The following SIAH3 variants were observed in gnomAD, a reference collection of about 807,000 sequenced individuals.
SIAH3 encodes the protein seven in absentia homolog 3.
A neutral mutation model predicts 12.6 loss-of-function variants in SIAH3; 9 were observed. The ratio of observed to expected loss-of-function variants is 0.72; its 90% CI spans 0.43 to 1.25. SIAH3 has a LOEUF of 1.25. SIAH3 is among the 50% of genes most tolerant of loss of function. The pLI is 0.00. For missense variants in SIAH3, 390 were observed against 365.4 expected (o/e 1.07, Z -0.55); for synonymous variants, 154 against 151.1 (o/e 1.02, Z -0.14).
intron 1 of SIAH3, among the ~76,000 whole-genome samples, chr13:45,802,292 C>A (rs575950892): frequency 1.3e-5 from 2 of 152,026 alleles, no homozygotes; most frequent in South Asian, 4.2e-4. Flanking sequence ...GGTGACAGAG[C>A]GAGACTCCAT....
intron 1 of SIAH3, among the ~76,000 whole-genome samples, chr13:45,818,518 G>A (rs376657031): frequency 3.9e-5 from 6 of 152,292 alleles, no homozygotes; most frequent in South Asian, 4.2e-4. Flanking sequence ...CCAAAATCAA[G>A]GCATCAGCAG....
chr13:45,778,959 A>C lies in SIAH3; in HGVS notation c.*4424T>G, dbSNP rs985325950. On this transcript the variant is annotated 3_prime_UTR_variant, in exon 2 of 2. Coordinates refer to ENST00000400405, the MANE Select transcript of SIAH3 (RefSeq NM_198849.3). ...CGAGATTCCTGGAACCAATCCCCCA[A>C]GGATACTGAGGGATGATTATACTGT... The C allele has an allele frequency of 3.3e-5, 5 of 152,216 alleles. No individual in the cohort carries two copies. The highest frequency in any genetic ancestry group is 1.2e-4 in the African/African-American group (5 of 41,452). The allele number at this position is 152,216 out of a possible 1,614,324, so 9.4% of individuals were successfully genotyped here. A position where few individuals can be genotyped will look rare whatever the true frequency, so the allele number is the denominator to read the frequency against.
chr13:45,790,309 A>T (rs996073907), intron 1 of SIAH3, among the ~76,000 whole-genome samples: 1 of 152,202 alleles, frequency 6.6e-6, no homozygotes, highest in African/African-American at 2.4e-5. Context: ...TGTGAACAAA[A>T]CTGTTTCAAA....
intron 1 of SIAH3, among the ~76,000 whole-genome samples, chr13:45,798,471 G>A (rs1461047579): frequency 6.6e-6 from 1 of 152,210 alleles, no homozygotes; most frequent in Non-Finnish European, 1.5e-5. Context: ...AATTGCTTCT[G>A]GGAGTCAGGG....
At chr13:45,792,018 A>C (rs1260460863) in intron 1 of SIAH3, among the ~76,000 whole-genome samples, 2 of 152,208 alleles carry the variant, frequency 1.3e-5, no homozygotes, top group Admixed American at 6.5e-5. Context: ...TGAGGAGCTA[A>C]AGGGTTGTAC....
chr13:45,826,763 C>T (rs570541633), intron 1 of SIAH3, among the ~76,000 whole-genome samples: 1 of 152,058 alleles, frequency 6.6e-6, no homozygotes, highest in Non-Finnish European at 1.5e-5. Context: ...CTAAACTCTA[C>T]GTGTGAGTTG....
At chr13:45,837,653 A>G (rs559945599) in intron 1 of SIAH3, among the ~76,000 whole-genome samples, 1 of 152,226 alleles carries the variant, frequency 6.6e-6, no homozygotes, top group South Asian at 2.1e-4. Context: ...GGCCAAAAGA[A>G]ATCAATGTTT....
intron 1 of SIAH3, among the ~76,000 whole-genome samples, chr13:45,831,416 T>C (rs562578184): frequency 1.8e-4 from 28 of 152,088 alleles, no homozygotes; most frequent in Non-Finnish European, 3.8e-4. Context: ...AATTGATATT[T>C]GTAGACATAC....
rs185059712 is a variant in SIAH3, at chr13:45,779,680, T to C, written c.*3703A>G. On this transcript the variant is annotated 3_prime_UTR_variant, in exon 2 of 2. Coordinates refer to ENST00000400405, the MANE Select transcript of SIAH3 (RefSeq NM_198849.3). ...AATAAAGAGCACCTGCTTGCTAAGG[T>C]TGTTATGGGGATTACATGATCTACT... is the stretch of plus-strand genomic sequence containing the variant. 2.0e-5 allele frequency: 3 copies of C among 152,290 alleles called. No homozygotes were observed. The highest frequency in any genetic ancestry group is 4.8e-5 in the African/African-American group (2 of 41,560). The allele number at this position is 152,290 out of a possible 1,614,324, so 9.4% of individuals were successfully genotyped here.
chr13:45,813,115 G>T (rs955902724), intron 1 of SIAH3, among the ~76,000 whole-genome samples: 1 of 151,996 alleles, frequency 6.6e-6, no homozygotes, highest in Non-Finnish European at 1.5e-5. Flanking sequence ...GGTCAGTACT[G>T]AGTCCCGGAC....
chr13:45,830,695 A>G (rs1350052663), intron 1 of SIAH3, among the ~76,000 whole-genome samples: 1 of 152,202 alleles, frequency 6.6e-6, no homozygotes, highest in African/African-American at 2.4e-5. Flanking sequence ...CCAGCTCTTC[A>G]GGGCCTCAAG....
chr13:45,831,061 C>T (rs1266304190), intron 1 of SIAH3, among the ~76,000 whole-genome samples: 2 of 152,004 alleles, frequency 1.3e-5, no homozygotes, highest in Non-Finnish European at 2.9e-5. Context: ...TGTCTGTAGT[C>T]CCAGCTACTT....
chr13:45,842,611 C>T (rs769900690), intron 1 of SIAH3, among the ~76,000 whole-genome samples: 1 of 152,244 alleles, frequency 6.6e-6, no homozygotes, highest in South Asian at 2.1e-4. Context: ...GCCTCCCAAA[C>T]TGCTGGGATT....
chr13:45,821,150 C>G lies in SIAH3; in HGVS notation c.135+30345G>C, dbSNP rs75250716. On this transcript the variant is annotated intron_variant, in intron 1 of 1. Transcript: ENST00000400405. ...TGAGGTCATTAAGGTGGGCCCTAAT[C>G]TAATATGACTGGTGTCTTTGTAAAA... Among the ~76,000 whole-genome samples the G allele has an allele frequency of 4.6e-3, 699 of 152,312 alleles. 1 individual carries two copies. The highest frequency in any genetic ancestry group is 7.4e-3 in the Non-Finnish European group (506 of 68,036).
At chr13:45,835,861 A>G (rs1950715916) in intron 1 of SIAH3, among the ~76,000 whole-genome samples, 1 of 152,200 alleles carries the variant, frequency 6.6e-6, no homozygotes, top group South Asian at 2.1e-4. Flanking sequence ...TCTGCCTTAG[A>G]GCACGCTTTG....
chr13:45,836,560 T>C (rs761565087), intron 1 of SIAH3, among the ~76,000 whole-genome samples: 2 of 152,072 alleles, frequency 1.3e-5, no homozygotes, highest in Non-Finnish European at 2.9e-5. Flanking sequence ...AAGTGGGAGC[T>C]GATTATTGAG....
In SIAH3 at chr13:45,839,976, G is replaced by T. The variant is rs142882322; in HGVS notation, c.135+11519C>A. On this transcript the variant is annotated intron_variant, in intron 1 of 1. Coordinates refer to ENST00000400405, the MANE Select transcript of SIAH3 (RefSeq NM_198849.3). ...ACATCAAGGTTAAAAGCAAGAGCTA[G>T]ACCTGGTGCCATGGCTGACGCCTGA... is the stretch of plus-strand genomic sequence containing the variant. Among the ~76,000 whole-genome samples, 763 of 152,286 alleles carry T rather than the reference G, an allele frequency of 5.0e-3. 10 individuals are homozygous for T. The highest frequency in any genetic ancestry group is 0.018 in the African/African-American group (740 of 41,556).
intron 1 of SIAH3, among the ~76,000 whole-genome samples, chr13:45,806,629 C>T (rs754062043): frequency 1.3e-5 from 2 of 152,126 alleles, no homozygotes; most frequent in East Asian, 1.9e-4. Flanking sequence ...ATGCTCACTA[C>T]CTGGATGACA....
At chr13:45,802,991 G>A (rs950704403) in intron 1 of SIAH3, among the ~76,000 whole-genome samples, 2 of 152,068 alleles carry the variant, frequency 1.3e-5, no homozygotes, top group Non-Finnish European at 2.9e-5. Flanking sequence ...AGAATTGCTT[G>A]AACCTGGGAG....
Sources: gnomAD v4.1 joint callset for allele counts (sites outside exome capture counted in the v4.1 genomes callset) on GRCh38, gnomAD v4.1.1 for gene constraint, MANE v1.5 for transcripts, NCBI Gene and HGNC (gene_info 2026-07-23, HGNC 2026-07-21) for gene names.